The following PAX4 variants were observed in gnomAD, a reference collection of about 807,000 sequenced individuals.
PAX4 encodes the protein paired box protein Pax-4.
A neutral mutation model predicts 40.6 loss-of-function variants in PAX4; 33 were observed. The observed-to-expected ratio is 0.81, with a 90% CI of 0.62 to 1.09. The LOEUF is 1.09. Among genes scored for constraint, PAX4 ranks in the 50% least tolerant of loss-of-function variants. The pLI is 0.00. For synonymous variants in PAX4, 174 were observed against 170.6 expected (o/e 1.02, Z -0.16); for missense variants, 459 against 442.5 (o/e 1.04, Z -0.33).
intron 5 of PAX4, 89 bp downstream of exon 5, chr7:127,614,791 G>A: frequency 1.3e-6 from 2 of 1,526,516 alleles, no homozygotes; most frequent in Non-Finnish European, 1.8e-6. Flanking sequence ...ACCAGCTTGG[G>A]ATGCCCACAT....
Position 127,610,586 on chromosome 7 carries a change from C to CTCAT in PAX4, c.*477_*478insATGA. On this transcript the variant is annotated 3_prime_UTR_variant, in exon 12 of 12. Transcript: ENST00000639438. ...GTGTGTGTGTGCGCGCACGCATGCA[C>CTCAT]GCATACATAATACACATATAGATGC... 9.9e-6 allele frequency: 4 copies of CTCAT among 402,328 alleles called. No individual in the cohort carries two copies. The highest frequency in any genetic ancestry group is 4.2e-5 in the East Asian group (1 of 24,000). The allele number at this position is 402,328 out of a possible 1,614,324, so 24.9% of individuals were successfully genotyped here. A position where few individuals can be genotyped will look rare whatever the true frequency, so the allele number is the denominator to read the frequency against.
intron 2 of PAX4, among the ~76,000 whole-genome samples, chr7:127,616,419 G>A (rs1048617651): frequency 1.3e-5 from 2 of 152,190 alleles, no homozygotes; most frequent in African/African-American, 4.8e-5. Flanking sequence ...CAGAGATTCT[G>A]GGGTCCTCAA....
At chr7:127,615,726 G>A in intron 3 of PAX4, 190 bp downstream of exon 3, 2 of 1,503,444 alleles carry the variant, frequency 1.3e-6, no homozygotes, top group African/African-American at 1.4e-5. Context: ...GTGAGTCTTT[G>A]TTCCTTGCCC....
rs752884051 is a variant in PAX4, at chr7:127,612,025, C to T, written c.716-25G>A. 1.9e-6 allele frequency: 3 copies of T among 1,611,952 alleles called. No homozygotes were observed. In the African/African-American group the frequency reaches 4.0e-5, roughly 21 times the overall value. On this transcript the variant is annotated intron_variant, in intron 9 of 11. Transcript: ENST00000639438. Reference sequence around the variant, plus strand: ...CCTATAAAATGAGAGTGAATCCACTCAGAAGGAGGAATTGGGGTTAGGGAC... The same window carrying T: ...CCTATAAAATGAGAGTGAATCCACTTAGAAGGAGGAATTGGGGTTAGGGAC...
rs71546768 is a variant in PAX4, at chr7:127,613,197, T to C, written c.646-106A>G. ...TGAACTCAGAATGTTGACCCTTCCT[T>C]GGGCCTGACATCCTCCCTCCCTGCT... On this transcript the variant is annotated intron_variant, in intron 8 of 11. Transcript: ENST00000639438. 3 of 993,886 alleles carry C rather than the reference T, an allele frequency of 3.0e-6. No individual in the cohort carries two copies. In the East Asian group the frequency reaches 7.2e-5, roughly 24 times the overall value. 61.6% of individuals were successfully genotyped at this position (993,886 alleles called of 1,614,324 possible).
At chr7:127,613,192 T>A (rs1340640264) in intron 8 of PAX4, 101 bp from the exon 9 acceptor site, 7 of 1,043,250 alleles carry the variant, frequency 6.7e-6, no homozygotes, top group Non-Finnish European at 1.0e-5. Context: ...ATGTTGACCC[T>A]TCCTTGGGCC....
chr7:127,611,793 C>A, intron 10 of PAX4, 117 bp from the exon 11 acceptor site: 1 of 1,599,628 alleles, frequency 6.3e-7, no homozygotes, highest in Middle Eastern at 1.8e-4. Context: ...CCAGAGGGCA[C>A]CATTCACATA....
At chr7:127,612,385 G>C (rs1038926082) in intron 9 of PAX4, among the ~76,000 whole-genome samples, 2 of 151,800 alleles carry the variant, frequency 1.3e-5, no homozygotes, top group Non-Finnish European at 2.9e-5. Context: ...ATGGGTGGCT[G>C]GATGGATGCA....
intron 1 of PAX4, among the ~76,000 whole-genome samples, chr7:127,617,649 C>T (rs1168394824): frequency 6.6e-6 from 1 of 152,158 alleles, no homozygotes; most frequent in Non-Finnish European, 1.5e-5. Flanking sequence ...CCTAAGTGAC[C>T]AGAATTCAAA....
At chr7:127,615,705 C>A in intron 3 of PAX4, 174 bp from the exon 4 acceptor site, 1 of 1,513,348 alleles carries the variant, frequency 6.6e-7, no homozygotes, top group East Asian at 2.5e-5. Flanking sequence ...TCTTTGAGAG[C>A]TGGCTCACGG....
intron 3 of PAX4, 45 bp from the exon 4 acceptor site, chr7:127,615,576 C>T: frequency 6.2e-7 from 1 of 1,611,750 alleles, no homozygotes; most frequent in East Asian, 2.2e-5. Context: ...CTCCCACTGC[C>T]CTGCCCGCCT....
intron 2 of PAX4, among the ~76,000 whole-genome samples, chr7:127,616,484 C>T (rs1432086757): frequency 6.6e-6 from 1 of 152,282 alleles, no homozygotes; most frequent in African/African-American, 2.4e-5. Context: ...CTCCAAACTG[C>T]CACCCAAATG....
In PAX4 at chr7:127,611,006, G is replaced by A. The variant is rs141782994; in HGVS notation, c.*58C>T. On this transcript the variant is annotated 3_prime_UTR_variant, in exon 12 of 12. Transcript: ENST00000639438. ...ACAGTCTGTATGGGCAGGACGGTAAGGACAATGGGCAGGATGGTATTAGAT... is the reference window on the plus strand; with the variant it reads ...ACAGTCTGTATGGGCAGGACGGTAAAGACAATGGGCAGGATGGTATTAGAT... The A allele has an allele frequency of 1.7e-4, 263 of 1,560,008 alleles. 2 individuals carry two copies. In the African/African-American group the frequency reaches 1.9e-3, roughly 11 times the overall value.
intron 10 of PAX4, 82 bp downstream of exon 10, chr7:127,611,863 A>T: frequency 6.2e-7 from 1 of 1,604,748 alleles, no homozygotes; most frequent in African/African-American, 1.3e-5. Flanking sequence ...AGAGCCGGAG[A>T]TCCTGGCTCA....
At chr7:127,614,727 C>T (rs1380854942) in intron 5 of PAX4, among the ~76,000 whole-genome samples, 153 bp downstream of exon 5, 2 of 152,160 alleles carry the variant, frequency 1.3e-5, no homozygotes, top group Admixed American at 6.5e-5. Context: ...CCTCTTATTA[C>T]CACCACTTTT....
At chr7:127,615,881 C>T (rs1250594886) in intron 3 of PAX4, 35 bp downstream of exon 3, 22 of 1,535,936 alleles carry the variant, frequency 1.4e-5, no homozygotes, top group Non-Finnish European at 1.9e-5. Context: ...TCTCTGTTGT[C>T]CTCCCTGTCT....
chr7:127,616,409 C>T (rs1281617607), intron 2 of PAX4, among the ~76,000 whole-genome samples: 2 of 152,236 alleles, frequency 1.3e-5, no homozygotes, highest in Non-Finnish European at 2.9e-5. Flanking sequence ...ACACCCGAGC[C>T]AGAGATTCTG....
At chr7:127,611,737 C>T (rs1587548878) in intron 10 of PAX4, 61 bp from the exon 11 acceptor site, 5 of 1,603,276 alleles carry the variant, frequency 3.1e-6, no homozygotes, top group South Asian at 2.2e-5. Flanking sequence ...TAGAGAACGC[C>T]GGGACCCCAG....
chr7:127,615,229 C>T (rs1001724095), intron 4 of PAX4, 134 bp from the exon 5 acceptor site: 5 of 1,593,984 alleles, frequency 3.1e-6, no homozygotes, highest in African/African-American at 1.3e-5. Flanking sequence ...AGTCCAGCCT[C>T]ACCTTTGAGG....
Sources: gnomAD v4.1 joint callset for allele counts (sites outside exome capture counted in the v4.1 genomes callset) on GRCh38, gnomAD v4.1.1 for gene constraint, MANE v1.5 for transcripts, NCBI Gene and HGNC (gene_info 2026-07-23, HGNC 2026-07-21) for gene names.